Variants in DPH6 observed in about 807,000 individuals in gnomAD.
The protein encoded by DPH6 is diphthamine biosynthesis 6, also known as diphthine--ammonia ligase.
Under a neutral mutation model 38.2 loss-of-function variants are expected in DPH6, and 33 were observed. The observed-to-expected ratio is 0.86, with a 90% CI of 0.65 to 1.15. The LOEUF is 1.15. DPH6 is among the 50% of genes most tolerant of loss of function. The pLI is 0.00. For missense variants in DPH6, 325 were observed against 320.0 expected, an observed-to-expected ratio of 1.02 and a Z score of -0.12; for synonymous variants, 108 against 103.0, an observed-to-expected ratio of 1.05 and a Z score of -0.30.
intron 3 of DPH6, among the ~76,000 whole-genome samples, chr15:35,486,308 G>A (rs1361213410): frequency 4.6e-5 from 7 of 151,474 alleles, no homozygotes; most frequent in Non-Finnish European, 1.0e-4. Flanking sequence ...GGATTATGGA[G>A]ATTACAAATC....
chr15:35,382,307 G>A (rs1270836733), intron 6 of DPH6, among the ~76,000 whole-genome samples: 1 of 151,720 alleles, frequency 6.6e-6, no homozygotes, highest in Non-Finnish European at 1.5e-5. Context: ...ATGGTGGTGG[G>A]CGCCTGCAGT....
intron 3 of DPH6, among the ~76,000 whole-genome samples, chr15:35,476,723 A>G (rs2054268442): frequency 6.6e-6 from 1 of 151,816 alleles, no homozygotes; most frequent in Non-Finnish European, 1.5e-5. Context: ...TCCTATGATT[A>G]ATTAGGTGCA....
intron 3 of DPH6, among the ~76,000 whole-genome samples, chr15:35,352,160 C>T (rs1290423788): frequency 6.6e-6 from 1 of 151,862 alleles, no homozygotes. Flanking sequence ...CTGAGTTTGT[C>T]TTTATGTTTA....
At chr15:35,479,313 T>A (rs2054299636) in intron 3 of DPH6, among the ~76,000 whole-genome samples, 1 of 152,112 alleles carries the variant, frequency 6.6e-6, no homozygotes, top group Non-Finnish European at 1.5e-5. Flanking sequence ...CCTATGAGTA[T>A]AGGATCATCC....
chr15:35,289,803 G>A (rs1181966774), intron 3 of DPH6, among the ~76,000 whole-genome samples: 1 of 152,166 alleles, frequency 6.6e-6, no homozygotes, highest in Non-Finnish European at 1.5e-5. Context: ...TTAAATACAT[G>A]TAATGCACTA....
intron 3 of DPH6, among the ~76,000 whole-genome samples, chr15:35,273,110 A>C (rs1158595862): frequency 2.0e-5 from 3 of 152,044 alleles, no homozygotes; most frequent in African/African-American, 7.3e-5. Flanking sequence ...TTTTCTTCAT[A>C]AATTACACAG....
chr15:35,168,661 AAT>A, the DPH6 span, among the ~76,000 whole-genome samples: 1 of 152,218 alleles, frequency 6.6e-6, no homozygotes, highest in East Asian at 1.9e-4. Context: ...GCACTATTTA[AAT>A]ATATGTTAAA....
chr15:35,295,848 AATTACATATTATGT>A (rs1340850793), intron 3 of DPH6, among the ~76,000 whole-genome samples: 1 of 152,112 alleles, frequency 6.6e-6, no homozygotes, highest in Non-Finnish European at 1.5e-5. Flanking sequence ...TAATTTTTTC[AATTACATATTATGT>A]ATGCATTGTG....
At chr15:35,260,874 G>A (rs1175939372) in intron 3 of DPH6, among the ~76,000 whole-genome samples, 1 of 152,024 alleles carries the variant, frequency 6.6e-6, no homozygotes, top group Non-Finnish European at 1.5e-5. Flanking sequence ...AATATGATCT[G>A]TCTAGGATTC....
chr15:35,250,586 T>C (rs1273455434), intron 3 of DPH6, among the ~76,000 whole-genome samples: 1 of 152,210 alleles, frequency 6.6e-6, no homozygotes, highest in Non-Finnish European at 1.5e-5. Flanking sequence ...TTTGAATTTC[T>C]ATTATCAGAA....
chr15:35,398,917 A>C (rs1021334581), intron 6 of DPH6, among the ~76,000 whole-genome samples: 5 of 152,144 alleles, frequency 3.3e-5, no homozygotes, highest in Admixed American at 6.5e-5. Context: ...TGGTGTCACA[A>C]GTGTTGTGTT....
intron 3 of DPH6, among the ~76,000 whole-genome samples, chr15:35,356,723 G>A (rs574531789): frequency 1.9e-4 from 29 of 152,136 alleles, no homozygotes; most frequent in African/African-American, 6.8e-4. Flanking sequence ...TAGGCTACTC[G>A]GGGGTCAGGG....
At chr15:35,448,961 C>T (rs1038059728) in intron 5 of DPH6, among the ~76,000 whole-genome samples, 3 of 147,892 alleles carry the variant, frequency 2.0e-5, no homozygotes, top group African/African-American at 7.4e-5. Flanking sequence ...TCCCTCTCCC[C>T]CACAGAAAGG....
intron 3 of DPH6, among the ~76,000 whole-genome samples, chr15:35,223,076 G>A (rs2051453108): frequency 6.6e-6 from 1 of 152,098 alleles, no homozygotes; most frequent in Non-Finnish European, 1.5e-5. Flanking sequence ...TTCTTAGTTT[G>A]CTTTGTGCTG....
intron 3 of DPH6, among the ~76,000 whole-genome samples, chr15:35,255,584 A>G (rs2051702472): frequency 6.6e-6 from 1 of 152,142 alleles, no homozygotes; most frequent in Non-Finnish European, 1.5e-5. Flanking sequence ...TTTGATCATT[A>G]GCTAGGTATC....
chr15:35,372,141 A>G lies in DPH6; in HGVS notation c.*9T>C. The G allele has an allele frequency of 3.3e-6, 5 of 1,523,616 alleles. No individual in the cohort carries two copies. Among genetic ancestry groups the G allele is most frequent in the Non-Finnish European group, 4.4e-6 (5 of 1,137,646 alleles). The allele number at this position is 1,523,616 out of a possible 1,614,324, so 94.4% of individuals were successfully genotyped here. A position where few individuals can be genotyped will look rare whatever the true frequency, so the allele number is the denominator to read the frequency against. ...TGGTGGTTTAATGAACAATGTTCCA[A>G]AACACTTTTCAAAAATTATATATAT... is the stretch of plus-strand genomic sequence containing the variant. On this transcript the variant is annotated 3_prime_UTR_variant, in exon 9 of 9. Coordinates refer to ENST00000256538, the MANE Select transcript of DPH6 (RefSeq NM_080650.4).
chr15:35,338,691 C>T (rs1237993590), intron 3 of DPH6, among the ~76,000 whole-genome samples: 1 of 152,070 alleles, frequency 6.6e-6, no homozygotes, highest in African/African-American at 2.4e-5. Context: ...GGTATATACC[C>T]AAAGGATTAT....
chr15:35,434,346 T>C (rs1297667842), intron 5 of DPH6, among the ~76,000 whole-genome samples: 1 of 152,102 alleles, frequency 6.6e-6, no homozygotes, highest in Non-Finnish European at 1.5e-5. Context: ...TTAAAGCTAA[T>C]TATTAATAGA....
intron 3 of DPH6, among the ~76,000 whole-genome samples, chr15:35,272,760 T>C (rs1022995244): frequency 6.6e-6 from 1 of 151,874 alleles, no homozygotes; most frequent in African/African-American, 2.4e-5. Flanking sequence ...ATAGAAAAAT[T>C]AGCTGAGCAT....
Sources: gnomAD v4.1 joint callset for allele counts (sites outside exome capture counted in the v4.1 genomes callset) on GRCh38, gnomAD v4.1.1 for gene constraint, MANE v1.5 for transcripts, NCBI Gene and HGNC (gene_info 2026-07-23, HGNC 2026-07-21) for gene names.